Variants in COL28A1 observed in about 807,000 individuals in gnomAD.
COL28A1 encodes collagen type XXVIII alpha 1 chain, also known as collagen alpha-1(XXVIII) chain.
In COL28A1, 161 loss-of-function variants were observed where a neutral mutation model predicts 150.2. The ratio of observed to expected loss-of-function variants is 1.07; its 90% confidence interval spans 0.94 to 1.22. The LOEUF is 1.22. Among genes scored for constraint, COL28A1 ranks in the 50% most tolerant of loss-of-function variants. The pLI is 0.00. For synonymous variants in COL28A1, 552 were observed against 469.7 expected, an observed-to-expected ratio of 1.18 and a Z score of -2.26; for missense variants, 1,617 against 1,388.3, an observed-to-expected ratio of 1.16 and a Z score of -2.62.
At chr7:7,460,804 C>G (rs78399078) in intron 15 of COL28A1, among the ~76,000 whole-genome samples, 7,289 of 152,278 alleles carry the variant, frequency 0.048, 229 homozygotes, top group South Asian at 0.078. Context: ...ATAAGTGAGA[C>G]ATTACAATAA....
intron 14 of COL28A1, 45 bp from the exon 15 acceptor site, chr7:7,474,714 A>G: frequency 1.1e-6 from 1 of 876,472 alleles, no homozygotes; most frequent in South Asian, 1.4e-5. Flanking sequence ...CCAAAATCTG[A>G]ATTTTAAAAG....
intron 25 of COL28A1, among the ~76,000 whole-genome samples, chr7:7,430,229 C>T (rs1316921359): frequency 6.6e-6 from 1 of 152,126 alleles, no homozygotes; most frequent in Non-Finnish European, 1.5e-5. Flanking sequence ...CGGGTTCAAG[C>T]AATTCTCCTG....
At chr7:7,521,815 A>T (rs1176772800) in intron 5 of COL28A1, 90 bp downstream of exon 5, 1 of 780,800 alleles carries the variant, frequency 1.3e-6, no homozygotes, top group African/African-American at 1.7e-5. Flanking sequence ...GCTTTTCAGC[A>T]GTGCAAAATA....
Position 7,531,438 on chromosome 7 carries a change from G to T in COL28A1, c.591C>A (p.Ala197=). Reference sequence around the variant, plus strand: ...AATCCCCAGAAATCAAACGAAGTTTGGCTTCATTGACTACCGTAGAAAGTG... The same window carrying T: ...AATCCCCAGAAATCAAACGAAGTTTTGCTTCATTGACTACCGTAGAAAGTG... The part of the protein sequence containing the change: ...TIALSTVVNE[A]KLRLISGDSS... The change falls in exon 3 of 35, where the codon GCC becomes GCA. Residue 197 remains alanine, a synonymous_variant. Coordinates refer to ENST00000399429, the MANE Select transcript of COL28A1 (RefSeq NM_001037763.3). The T allele has an allele frequency of 6.3e-7, 1 of 1,599,858 alleles. No homozygotes were observed. The highest frequency in any genetic ancestry group is 8.6e-7 in the Non-Finnish European group (1 of 1,167,580).
At chr7:7,481,140 T>C (rs17168145) in intron 13 of COL28A1, among the ~76,000 whole-genome samples, 15,204 of 152,272 alleles carry the variant, frequency 0.1, 921 homozygotes, top group Middle Eastern at 0.21. Flanking sequence ...GTAAAAAGCA[T>C]GCTGCACTGA....
chr7:7,363,013 A>G (rs1311151721), intron 33 of COL28A1, among the ~76,000 whole-genome samples: 1 of 152,204 alleles, frequency 6.6e-6, no homozygotes, highest in East Asian at 1.9e-4. Context: ...ATAAATGATT[A>G]AGAAACTTTC....
chr7:7,370,967 T>A, intron 32 of COL28A1, 85 bp from the exon 33 acceptor site: 1 of 867,688 alleles, frequency 1.2e-6, no homozygotes, highest in Non-Finnish European at 1.7e-6. Flanking sequence ...GCACTCTCCT[T>A]AAAATATGTA....
intron 18 of COL28A1, among the ~76,000 whole-genome samples, chr7:7,449,368 G>GT (rs1034567400): frequency 6.6e-5 from 10 of 151,764 alleles, no homozygotes; most frequent in African/African-American, 2.2e-4. Context: ...TATTTAATAA[G>GT]TAACTTTTGG....
At chr7:7,473,335 A>G (rs919493832) in intron 15 of COL28A1, among the ~76,000 whole-genome samples, 15 of 152,056 alleles carry the variant, frequency 9.9e-5, no homozygotes, top group Admixed American at 2.6e-4. Context: ...ACTCAAACAA[A>G]TTATCAAGAA....
chr7:7,367,180 G>C (rs2128281264), intron 33 of COL28A1, among the ~76,000 whole-genome samples: 1 of 152,266 alleles, frequency 6.6e-6, no homozygotes, highest in African/African-American at 2.4e-5. Context: ...TTGTAGCCTA[G>C]AAGCAATAGG....
intron 27 of COL28A1, among the ~76,000 whole-genome samples, chr7:7,393,051 A>T (rs1011607284): frequency 2.6e-5 from 4 of 152,070 alleles, no homozygotes; most frequent in Non-Finnish European, 5.9e-5. Context: ...GGAGGAGAAG[A>T]GGCGTTCTGG....
At chr7:7,387,830 A>G (rs1461541097) in intron 27 of COL28A1, among the ~76,000 whole-genome samples, 1 of 152,148 alleles carries the variant, frequency 6.6e-6, no homozygotes, top group Admixed American at 6.6e-5. Context: ...GCATATGAGT[A>G]TACAGGTACT....
chr7:7,430,165 C>T (rs911283394), intron 25 of COL28A1, among the ~76,000 whole-genome samples: 3 of 151,904 alleles, frequency 2.0e-5, no homozygotes, highest in Non-Finnish European at 2.9e-5. Context: ...TTCGCTCTGT[C>T]GCCCAGGCTG....
chr7:7,437,627 G>A (rs1056348519), intron 21 of COL28A1, among the ~76,000 whole-genome samples, 165 bp from the exon 22 acceptor site: 12 of 152,088 alleles, frequency 7.9e-5, no homozygotes, highest in African/African-American at 2.9e-4. Flanking sequence ...TGTAACCACT[G>A]CTAGTTATTG....
At chr7:7,407,696 T>C (rs138907350) in intron 27 of COL28A1, among the ~76,000 whole-genome samples, 15 of 152,132 alleles carry the variant, frequency 9.9e-5, no homozygotes, top group Admixed American at 4.6e-4. Flanking sequence ...AAGAATACAA[T>C]GCAGGCAGAG....
intron 33 of COL28A1, among the ~76,000 whole-genome samples, chr7:7,367,815 TAA>T (rs34049695): frequency 6.5e-4 from 93 of 142,784 alleles, no homozygotes; most frequent in African/African-American, 2.2e-3. Flanking sequence ...TATTTTCCTT[TAA>T]AAAAAAAAAA....
the COL28A1 span, among the ~76,000 whole-genome samples, chr7:7,344,382 C>T: frequency 6.6e-6 from 1 of 151,712 alleles, no homozygotes; most frequent in African/African-American, 2.4e-5. Flanking sequence ...CCTCTAATGG[C>T]TTTTTAGTTA....
chr7:7,446,492 T>G (rs374284046), intron 18 of COL28A1, among the ~76,000 whole-genome samples: 2 of 152,182 alleles, frequency 1.3e-5, no homozygotes, highest in African/African-American at 4.8e-5. Flanking sequence ...ACAAGCTTAG[T>G]TGGTTTTACA....
chr7:7,424,522 C>A (rs1433091961), intron 25 of COL28A1, among the ~76,000 whole-genome samples: 1 of 152,148 alleles, frequency 6.6e-6, no homozygotes, highest in Non-Finnish European at 1.5e-5. Context: ...AAAGGAATTA[C>A]AACAGGTTGT....
Sources: allele counts gnomAD v4.1 joint callset (sites outside exome capture counted in the v4.1 genomes callset), GRCh38; gene constraint gnomAD v4.1.1; transcripts MANE v1.5; gene names NCBI Gene and HGNC (gene_info 2026-07-23, HGNC 2026-07-21).